Variants in NBEA observed in about 807,000 individuals in gnomAD.
NBEA encodes the protein neurobeachin.
In NBEA, 44 loss-of-function variants were observed where a neutral mutation model predicts 343.4. The observed-to-expected ratio is 0.13, with a 90% CI of 0.10 to 0.16. The LOEUF is 0.16. NBEA is among the 10% of genes least tolerant of loss of function. The pLI is 1.00. For missense variants in NBEA, 2,555 were observed against 3,631.3 expected (o/e 0.70, Z 7.62); for synonymous variants, 1,175 against 1,238.7 (o/e 0.95, Z 1.08).
intron 47 of NBEA, among the ~76,000 whole-genome samples, chr13:35,603,027 T>C (rs1338722783): frequency 6.6e-6 from 1 of 152,246 alleles, no homozygotes; most frequent in East Asian, 1.9e-4. Flanking sequence ...TTTATACTTT[T>C]GAGCCTTTTA....
chr13:35,192,954 T>C (rs933449432), intron 30 of NBEA, among the ~76,000 whole-genome samples: 1 of 151,990 alleles, frequency 6.6e-6, no homozygotes, highest in Non-Finnish European at 1.5e-5. Flanking sequence ...CACTAGACCA[T>C]ATCTGTAAAT....
intron 34 of NBEA, among the ~76,000 whole-genome samples, chr13:35,263,066 C>G (rs2031824504): frequency 6.6e-6 from 1 of 152,142 alleles, no homozygotes; most frequent in Admixed American, 6.5e-5. Context: ...ATCCTAATTT[C>G]AAAACTTGCA....
At chr13:35,100,991 A>G (rs1437248607) in intron 11 of NBEA, among the ~76,000 whole-genome samples, 2 of 151,946 alleles carry the variant, frequency 1.3e-5, no homozygotes, top group Admixed American at 6.6e-5. Context: ...TTTGCTTAGC[A>G]TAATGTTTTC....
chr13:34,952,139 A>G (rs978800673), intron 1 of NBEA, among the ~76,000 whole-genome samples: 1 of 152,202 alleles, frequency 6.6e-6, no homozygotes, highest in African/African-American at 2.4e-5. Context: ...TCAGGTTCCA[A>G]AGCTAGAGTT....
intron 30 of NBEA, among the ~76,000 whole-genome samples, chr13:35,195,207 A>T (rs1187597998): frequency 6.6e-6 from 1 of 152,114 alleles, no homozygotes; most frequent in Non-Finnish European, 1.5e-5. Flanking sequence ...TTGGCAGCTA[A>T]CAATCAAAGG....
intron 38 of NBEA, among the ~76,000 whole-genome samples, chr13:35,370,757 T>A (rs2152883217): frequency 6.6e-6 from 1 of 152,230 alleles, no homozygotes; most frequent in African/African-American, 2.4e-5. Flanking sequence ...GATAGCATTC[T>A]TTTGCTTCCA....
chr13:35,468,784 T>C (rs1451214880), intron 40 of NBEA, among the ~76,000 whole-genome samples: 1 of 152,164 alleles, frequency 6.6e-6, no homozygotes, highest in African/African-American at 2.4e-5. Flanking sequence ...AATATTGGAC[T>C]ATTAGTTCTG....
chr13:35,085,778 A>G (rs1025094090), intron 10 of NBEA, among the ~76,000 whole-genome samples: 4 of 152,156 alleles, frequency 2.6e-5, no homozygotes, highest in African/African-American at 4.8e-5. Flanking sequence ...AATTAGGAAA[A>G]GAGAAAGTCA....
intron 38 of NBEA, among the ~76,000 whole-genome samples, chr13:35,391,918 G>A (rs930829734): frequency 6.6e-6 from 1 of 151,994 alleles, no homozygotes; most frequent in Admixed American, 6.6e-5. Context: ...ACTGAATTTA[G>A]TTTTTGCTTC....
chr13:34,971,451 C>T (rs2059993921), intron 1 of NBEA, among the ~76,000 whole-genome samples: 1 of 152,122 alleles, frequency 6.6e-6, no homozygotes, highest in African/African-American at 2.4e-5. Context: ...GGGAATACTT[C>T]CAGCTTTTGC....
intron 36 of NBEA, among the ~76,000 whole-genome samples, chr13:35,321,737 A>G (rs898693542): frequency 7.2e-5 from 11 of 151,856 alleles, no homozygotes; most frequent in African/African-American, 2.7e-4. Flanking sequence ...GGAAGATGGG[A>G]GTTTTATCTA....
Position 35,552,452 on chromosome 13 carries a change from A to T in NBEA, c.6806+1420A>T, listed in dbSNP as rs9544623. Among the ~76,000 whole-genome samples the T allele has an allele frequency of 2.3e-3, 345 of 152,348 alleles. 1 individual carries two copies. Among genetic ancestry groups the T allele is most frequent in the Middle Eastern group, 6.8e-3 (2 of 294 alleles). On this transcript the variant is annotated intron_variant, in intron 43 of 58. Coordinates refer to ENST00000379939, the MANE Select transcript of NBEA (RefSeq NM_001385012.1). ...TATTAGTAGATAATGAAGCACTTAT[A>T]TAAAATACAGGTCAAAGAAAAATGC...
At chr13:35,024,756 G>A (rs561500871) in intron 1 of NBEA, among the ~76,000 whole-genome samples, 7 of 152,282 alleles carry the variant, frequency 4.6e-5, no homozygotes, top group African/African-American at 1.4e-4. Context: ...TCTCCAAACT[G>A]CTTTCCACAG....
intron 48 of NBEA, among the ~76,000 whole-genome samples, chr13:35,612,523 A>G (rs2082569085): frequency 6.6e-6 from 1 of 152,164 alleles, no homozygotes; most frequent in Non-Finnish European, 1.5e-5. Flanking sequence ...GATTTATTTT[A>G]ATAAAACATT....
At chr13:35,376,168 A>G (rs1047445505) in intron 38 of NBEA, among the ~76,000 whole-genome samples, 9 of 152,248 alleles carry the variant, frequency 5.9e-5, no homozygotes, top group East Asian at 5.8e-4. Flanking sequence ...CTTTTATTCA[A>G]TGCTACATTA....
intron 41 of NBEA, among the ~76,000 whole-genome samples, chr13:35,492,332 A>G (rs1452636308): frequency 6.6e-6 from 1 of 151,958 alleles, no homozygotes; most frequent in Non-Finnish European, 1.5e-5. Flanking sequence ...CCAAAAACCT[A>G]TGGAAATAAA....
chr13:35,010,907 A>T (rs1157197432), intron 1 of NBEA, among the ~76,000 whole-genome samples: 1 of 150,922 alleles, frequency 6.6e-6, no homozygotes, highest in Admixed American at 6.6e-5. Flanking sequence ...GCAAGACCCC[A>T]TTTCTTTAAA....
chr13:34,984,223 G>A (rs1180169003), intron 1 of NBEA, among the ~76,000 whole-genome samples: 1 of 152,136 alleles, frequency 6.6e-6, no homozygotes, highest in Non-Finnish European at 1.5e-5. Context: ...TAAGGTGTAA[G>A]GAAGGGATCC....
chr13:34,978,215 A>G (rs2060244554), intron 1 of NBEA, among the ~76,000 whole-genome samples: 1 of 152,224 alleles, frequency 6.6e-6, no homozygotes, highest in South Asian at 2.1e-4. Flanking sequence ...AAGACTCTTA[A>G]GTCAGCTATA....
Sources: gnomAD v4.1 joint callset for allele counts (sites outside exome capture counted in the v4.1 genomes callset) on GRCh38, gnomAD v4.1.1 for gene constraint, MANE v1.5 for transcripts, NCBI Gene and HGNC (gene_info 2026-07-23, HGNC 2026-07-21) for gene names.